CHCHD3: variants seen among roughly 807,000 people sequenced by gnomAD.
The protein encoded by CHCHD3 is MICOS complex subunit MIC19.
A neutral mutation model predicts 38.2 loss-of-function variants in CHCHD3; 20 were observed. The ratio of observed to expected loss-of-function variants is 0.52; its 90% CI spans 0.37 to 0.76. The LOEUF is 0.76. CHCHD3 is among the 30% of genes least tolerant of loss of function. CHCHD3 has a pLI of 0.00. For synonymous variants in CHCHD3, 82 were observed against 100.0 expected (o/e 0.82, Z 1.07); for missense variants, 245 against 279.2 (o/e 0.88, Z 0.87).
At chr7:132,853,183 T>C (rs1300465306) in intron 5 of CHCHD3, among the ~76,000 whole-genome samples, 3 of 152,196 alleles carry the variant, frequency 2.0e-5, no homozygotes, top group African/African-American at 7.2e-5. Context: ...CAACTCCGAC[T>C]GACCGCTGCA....
chr7:132,840,374 A>G (rs1250098291), intron 5 of CHCHD3, among the ~76,000 whole-genome samples: 1 of 152,230 alleles, frequency 6.6e-6, no homozygotes, highest in East Asian at 1.9e-4. Context: ...GTATTATGTT[A>G]CTGAACTATC....
intron 3 of CHCHD3, among the ~76,000 whole-genome samples, chr7:133,013,753 G>A (rs1420116181): frequency 2.6e-5 from 4 of 151,970 alleles, no homozygotes; most frequent in Non-Finnish European, 5.9e-5. Context: ...AATAATCTAG[G>A]GTAAGAATGT....
intron 5 of CHCHD3, among the ~76,000 whole-genome samples, chr7:132,841,949 T>G (rs1345206009): frequency 6.6e-6 from 1 of 151,744 alleles, no homozygotes; most frequent in Non-Finnish European, 1.5e-5. Context: ...TACAAAAAAA[T>G]TAGCCAGGCG....
intron 4 of CHCHD3, among the ~76,000 whole-genome samples, chr7:132,939,160 C>A (rs1810702510): frequency 6.6e-6 from 1 of 152,134 alleles, no homozygotes; most frequent in South Asian, 2.1e-4. Context: ...CATTTCCTAT[C>A]ACACAGTAAC....
intron 5 of CHCHD3, among the ~76,000 whole-genome samples, chr7:132,865,235 T>C (rs1808589041): frequency 6.6e-6 from 1 of 152,234 alleles, no homozygotes; most frequent in African/African-American, 2.4e-5. Flanking sequence ...TTGAACTTTT[T>C]TAGCTGTACC....
intron 3 of CHCHD3, among the ~76,000 whole-genome samples, chr7:132,979,373 T>A (rs975217187): frequency 6.6e-6 from 1 of 152,154 alleles, no homozygotes; most frequent in Admixed American, 6.5e-5. Context: ...AGTATATAAT[T>A]ACTAGGTGAA....
In CHCHD3 at chr7:132,945,630, C is replaced by T. The variant is rs546520292; in HGVS notation, c.369+29539G>A. 8.6e-5 allele frequency among the ~76,000 whole-genome samples: 13 copies of T among 151,876 alleles called. No homozygotes were observed. The South Asian group carries it at 2.1e-3, about 24-fold the overall frequency. On this transcript the variant is annotated intron_variant, in intron 4 of 7. Coordinates refer to ENST00000262570, the MANE Select transcript of CHCHD3 (RefSeq NM_017812.4). ...GTAAGCTGATAAGGTAACATTACTA[C>T]GAGTTAGTGGTCATTTGTGCAACCC...
chr7:133,011,358 C>T (rs1459012137), intron 3 of CHCHD3, among the ~76,000 whole-genome samples: 1 of 152,030 alleles, frequency 6.6e-6, no homozygotes, highest in African/African-American at 2.4e-5. Flanking sequence ...TAGAATGTGG[C>T]GGACAAGAAT....
intron 3 of CHCHD3, among the ~76,000 whole-genome samples, chr7:132,998,995 T>C (rs1812495914): frequency 6.6e-6 from 1 of 152,136 alleles, no homozygotes; most frequent in Non-Finnish European, 1.5e-5. Context: ...CTAACTGGAA[T>C]GTTAGGAATG....
At chr7:132,853,608 C>T (rs755143516) in intron 5 of CHCHD3, among the ~76,000 whole-genome samples, 6 of 151,930 alleles carry the variant, frequency 3.9e-5, no homozygotes, top group Non-Finnish European at 7.4e-5. Flanking sequence ...GGCGACAGAG[C>T]GATATTCTGT....
intron 3 of CHCHD3, among the ~76,000 whole-genome samples, chr7:132,997,581 T>C (rs1257393416): frequency 6.6e-6 from 1 of 150,642 alleles, no homozygotes; most frequent in Non-Finnish European, 1.5e-5. Context: ...AAAGAACAAT[T>C]TTAGACACAA....
At chr7:133,025,904 A>G (rs928258464) in intron 2 of CHCHD3, among the ~76,000 whole-genome samples, 8 of 152,242 alleles carry the variant, frequency 5.3e-5, no homozygotes, top group Admixed American at 5.2e-4. Flanking sequence ...TTAGTCCCAC[A>G]GCATATGCAA....
At chr7:133,043,645 C>CAA (rs765611377) in intron 2 of CHCHD3, among the ~76,000 whole-genome samples, 4 of 99,132 alleles carry the variant, frequency 4.0e-5, no homozygotes, top group Non-Finnish European at 4.3e-5. Context: ...GACTCCATCT[C>CAA]AAAAAAAAAA....
At chr7:132,977,803 T>C (rs1035842426) in intron 3 of CHCHD3, among the ~76,000 whole-genome samples, 1 of 152,208 alleles carries the variant, frequency 6.6e-6, no homozygotes, top group South Asian at 2.1e-4. Flanking sequence ...AGTTTACTTA[T>C]GTATGGCTTA....
chr7:133,028,236 A>T (rs1157720054), intron 2 of CHCHD3, among the ~76,000 whole-genome samples: 1 of 152,230 alleles, frequency 6.6e-6, no homozygotes, highest in East Asian at 1.9e-4. Flanking sequence ...ACAGCAAGAT[A>T]CTTCTCAGGC....
intron 4 of CHCHD3, among the ~76,000 whole-genome samples, chr7:132,903,724 C>T (rs1199101033): frequency 6.6e-6 from 1 of 152,160 alleles, no homozygotes; most frequent in Non-Finnish European, 1.5e-5. Context: ...TTACATATTG[C>T]CTTTCTGACT....
chr7:132,790,148 G>C (rs529928072), intron 7 of CHCHD3, among the ~76,000 whole-genome samples: 1 of 152,290 alleles, frequency 6.6e-6, no homozygotes, highest in African/African-American at 2.4e-5. Context: ...TGTTCCTCCT[G>C]CTTTGGAGGA....
At chr7:132,972,429 T>A (rs1288816122) in intron 4 of CHCHD3, 1 of 282,956 alleles carries the variant, frequency 3.5e-6, no homozygotes, top group East Asian at 1.7e-4. Flanking sequence ...AAAAGGAATA[T>A]AAACACAACA....
intron 5 of CHCHD3, among the ~76,000 whole-genome samples, chr7:132,864,982 T>C (rs1218074116): frequency 6.6e-6 from 1 of 152,192 alleles, no homozygotes; most frequent in Non-Finnish European, 1.5e-5. Flanking sequence ...ATAGACCCCA[T>C]TCATTAAAAC....
Sources: gnomAD v4.1 joint callset for allele counts (sites outside exome capture counted in the v4.1 genomes callset) on GRCh38, gnomAD v4.1.1 for gene constraint, MANE v1.5 for transcripts, NCBI Gene and HGNC (gene_info 2026-07-23, HGNC 2026-07-21) for gene names.